MBD5: variants seen among roughly 807,000 people sequenced by gnomAD.
MBD5 encodes the protein methyl-CpG binding domain protein 5, also known as methyl-CpG-binding domain protein 5.
Under a neutral mutation model 117.3 loss-of-function variants are expected in MBD5, and 13 were observed. The observed-to-expected ratio is 0.11, with a 90% CI of 0.07 to 0.18. The LOEUF is 0.18. Ranked by LOEUF, MBD5 falls within the 10% of genes least tolerant of loss-of-function variation. The probability of loss-of-function intolerance (pLI) is 1.00; values close to 1 mark genes in which losing one functional copy is unlikely to be tolerated. For synonymous variants in MBD5, 727 were observed against 766.4 expected, an observed-to-expected ratio of 0.95 and a Z score of 0.85; for missense variants, 1,879 against 2,093.8, an observed-to-expected ratio of 0.90 and a Z score of 2.00.
intron 5 of MBD5, 65 bp from the exon 6 acceptor site, chr2:148,462,517 C>G (rs547346709): frequency 1.1e-5 from 11 of 1,026,134 alleles, no homozygotes; most frequent in Non-Finnish European, 1.7e-5. Flanking sequence ...ATAAATTATG[C>G]CTTTTTTCAT....
At chr2:148,300,060 A>ATT (rs796281757) in intron 3 of MBD5, among the ~76,000 whole-genome samples, 1 of 147,830 alleles carries the variant, frequency 6.8e-6, no homozygotes, top group African/African-American at 2.5e-5. Context: ...ACATTTGGGG[A>ATT]TTTTTTTTTT....
chr2:148,445,832 T>A (rs1405997472), intron 4 of MBD5, among the ~76,000 whole-genome samples: 3 of 151,474 alleles, frequency 2.0e-5, no homozygotes, highest in Non-Finnish European at 2.9e-5. Context: ...CCATTCTAAC[T>A]GGTGTGAGAT....
chr2:148,380,122 T>C (rs1229930781), intron 4 of MBD5, among the ~76,000 whole-genome samples: 2 of 152,032 alleles, frequency 1.3e-5, no homozygotes, highest in African/African-American at 4.8e-5. Flanking sequence ...CAAATATGAC[T>C]AGAGATAGGG....
intron 4 of MBD5, among the ~76,000 whole-genome samples, chr2:148,398,858 G>T (rs1279667458): frequency 1.3e-5 from 2 of 152,170 alleles, no homozygotes; most frequent in Non-Finnish European, 2.9e-5. Context: ...TTCAGTTTCA[G>T]CTTTCTACAT....
chr2:148,280,131 C>CAAAAAAAAAAACAA (rs1701208893), intron 3 of MBD5, among the ~76,000 whole-genome samples: 1 of 91,886 alleles, frequency 1.1e-5, no homozygotes, highest in Non-Finnish European at 2.2e-5. Context: ...AAACTAACTG[C>CAAAAAAAAAAACAA]AAAAAAAAAA....
intron 4 of MBD5, among the ~76,000 whole-genome samples, chr2:148,443,533 T>C (rs1310180967): frequency 6.6e-6 from 1 of 151,354 alleles, no homozygotes; most frequent in Non-Finnish European, 1.5e-5. Context: ...GTAGTATATA[T>C]ACACAATGGA....
At chr2:148,423,822 C>T (rs917295729) in intron 4 of MBD5, among the ~76,000 whole-genome samples, 5 of 152,036 alleles carry the variant, frequency 3.3e-5, no homozygotes, top group African/African-American at 9.7e-5. Context: ...TGTTCAAGGA[C>T]ACACATAGGT....
chr2:148,238,743 T>A (rs1177325058), intron 3 of MBD5, among the ~76,000 whole-genome samples: 1 of 152,082 alleles, frequency 6.6e-6, no homozygotes, highest in East Asian at 1.9e-4. Context: ...TGCCAGCAAT[T>A]TTTGGCATTC....
At chr2:148,435,261 A>T (rs1183360367) in intron 4 of MBD5, among the ~76,000 whole-genome samples, 3 of 152,076 alleles carry the variant, frequency 2.0e-5, no homozygotes, top group Admixed American at 6.6e-5. Flanking sequence ...GTCCACTTAC[A>T]TTCATAGTTA....
intron 4 of MBD5, among the ~76,000 whole-genome samples, chr2:148,446,720 T>C (rs977451247): frequency 2.0e-5 from 3 of 151,762 alleles, no homozygotes; most frequent in Non-Finnish European, 2.9e-5. Flanking sequence ...CAGAAGGTTA[T>C]CCAATGGTGG....
intron 4 of MBD5, among the ~76,000 whole-genome samples, chr2:148,401,166 A>C (rs1041292477): frequency 1.3e-5 from 2 of 152,202 alleles, no homozygotes; most frequent in Non-Finnish European, 2.9e-5. Flanking sequence ...ATACTTTCAG[A>C]AAATGATTAA....
In MBD5 at chr2:148,366,522, A is replaced by G. The variant is rs193261334; in HGVS notation, c.-557+24186A>G. On this transcript the variant is annotated intron_variant, in intron 4 of 13. Coordinates refer to ENST00000642680, the MANE Select transcript of MBD5 (RefSeq NM_001378120.1). ...AAATAAAGGGTATTCAGATAAGAAA[A>G]GACAAAGTCAACTTGTCCCTGTTTG... Among the ~76,000 whole-genome samples, 21 of 152,318 alleles carry G rather than the reference A, an allele frequency of 1.4e-4. No homozygotes were observed. The South Asian group carries it at 1.9e-3, about 14-fold the overall frequency.
At position 148,483,149 on chromosome 2, in the gene MBD5, C is replaced by G; in HGVS notation, c.2558C>G (p.Thr853Ser). 1.2e-6 allele frequency: 2 copies of G among 1,612,896 alleles called. No homozygotes were observed. Among genetic ancestry groups the G allele is most frequent in the Non-Finnish European group, 1.7e-6 (2 of 1,179,848 alleles). ...TCATCCTCCATAGCCATAGCGGGCA[C>G]CAACCACCCTGCCATCACAAAGACA... ...GPSSSIAIAG[T>S]NHPAITKTTS... The change falls in exon 9 of 14, where the codon ACC (threonine) becomes AGC (serine). Residue 853 changes from threonine (T) to serine (S), a missense_variant. Around this residue, in one of 4 missense-constraint regions of MBD5, gnomAD observed 1,666 missense variants for 1,792.2 expected, o/e 0.93. Transcript: ENST00000642680.
At chr2:148,454,413 G>T (rs1181691643) in intron 4 of MBD5, among the ~76,000 whole-genome samples, 2 of 152,140 alleles carry the variant, frequency 1.3e-5, no homozygotes, top group East Asian at 1.9e-4. Flanking sequence ...AACAGAGATA[G>T]ATCTAGGTAC....
At chr2:148,439,280 G>T (rs113212372) in intron 4 of MBD5, among the ~76,000 whole-genome samples, 1 of 152,126 alleles carries the variant, frequency 6.6e-6, no homozygotes, top group South Asian at 2.1e-4. Context: ...GTTGAGGATT[G>T]TATCTTTTGG....
chr2:148,369,363 C>T (rs1260544118), intron 4 of MBD5, among the ~76,000 whole-genome samples: 5 of 151,866 alleles, frequency 3.3e-5, no homozygotes, highest in South Asian at 2.1e-4. Context: ...AATTGAATAG[C>T]GTATGTAGAT....
intron 3 of MBD5, among the ~76,000 whole-genome samples, chr2:148,329,566 G>T (rs952539189): frequency 6.6e-6 from 1 of 152,080 alleles, no homozygotes; most frequent in Admixed American, 6.5e-5. Flanking sequence ...AATTAGTAGA[G>T]AATACATATT....
rs185532304 is a variant in MBD5 at position 148,318,391 on chromosome 2, T to G, written c.-679-23823T>G. 2.6e-5 allele frequency among the ~76,000 whole-genome samples: 4 copies of G among 152,248 alleles called. No homozygotes were observed. In the East Asian group the frequency reaches 5.8e-4, roughly 22 times the overall value. Reference sequence around the variant, plus strand: ...ATTTGGATGCAGAGTTTACAAAATTTTTTCCCATTCTATAGATTGTCTGTT... The same window carrying G: ...ATTTGGATGCAGAGTTTACAAAATTGTTTCCCATTCTATAGATTGTCTGTT... On this transcript the variant is annotated intron_variant, in intron 3 of 13. Coordinates refer to ENST00000642680, the MANE Select transcript of MBD5 (RefSeq NM_001378120.1).
chr2:148,030,767 A>G (rs962414926), intron 1 of MBD5, among the ~76,000 whole-genome samples: 1 of 152,192 alleles, frequency 6.6e-6, no homozygotes, highest in Non-Finnish European at 1.5e-5. Flanking sequence ...GAAGTAAAAA[A>G]TGACCCAGGA....
Sources: gnomAD v4.1 joint callset for allele counts (sites outside exome capture counted in the v4.1 genomes callset) on GRCh38, gnomAD v4.1.1 for gene constraint, gnomAD v4.1.1 regional missense constraint, MANE v1.5 for transcripts, NCBI Gene and HGNC (gene_info 2026-07-23, HGNC 2026-07-21) for gene names.